The following CEMIP variants were observed in gnomAD, a reference collection of about 807,000 sequenced individuals.
CEMIP encodes the protein cell migration-inducing and hyaluronan-binding protein.
A neutral mutation model predicts 156.9 loss-of-function variants in CEMIP; 105 were observed. That is an observed-to-expected ratio of 0.67 (90% CI 0.57 to 0.79). The LOEUF is 0.79. CEMIP is among the 30% of genes least tolerant of loss of function. CEMIP has a pLI of 0.00. For missense variants in CEMIP, 1,457 were observed against 1,769.4 expected, an observed-to-expected ratio of 0.82 and a Z score of 3.17; for synonymous variants, 676 against 668.4, an observed-to-expected ratio of 1.01 and a Z score of -0.17.
At chr15:80,834,262 G>A (rs1345473799) in intron 1 of CEMIP, among the ~76,000 whole-genome samples, 2 of 152,218 alleles carry the variant, frequency 1.3e-5, no homozygotes, top group African/African-American at 4.8e-5. Context: ...TCTGCAGCAT[G>A]CCTTTTCAGG....
At chr15:80,844,735 C>A (rs55966621) in intron 1 of CEMIP, among the ~76,000 whole-genome samples, 6,189 of 152,292 alleles carry the variant, frequency 0.041, 190 homozygotes, top group Non-Finnish European at 0.064. Flanking sequence ...AATGAGGCAG[C>A]CATGCCCAGA....
At chr15:80,839,179 G>A (rs533672446) in intron 1 of CEMIP, among the ~76,000 whole-genome samples, 129 of 152,092 alleles carry the variant, frequency 8.5e-4, no homozygotes, top group Non-Finnish European at 1.5e-3. Flanking sequence ...CCTGCCCAGC[G>A]GCCTGAAAGC....
At chr15:80,801,480 T>A (rs530625281) in intron 1 of CEMIP, among the ~76,000 whole-genome samples, 5 of 152,342 alleles carry the variant, frequency 3.3e-5, no homozygotes, top group African/African-American at 1.2e-4. Context: ...AAGGAAAGCA[T>A]GCATGGCCTC....
intron 1 of CEMIP, among the ~76,000 whole-genome samples, chr15:80,865,629 T>A (rs1369018343): frequency 6.6e-6 from 1 of 151,498 alleles, no homozygotes; most frequent in Non-Finnish European, 1.5e-5. Flanking sequence ...ATGGTGGATA[T>A]CATGAAAATT....
At chr15:80,781,273 G>C (rs140280091) in intron 1 of CEMIP, among the ~76,000 whole-genome samples, 2 of 152,198 alleles carry the variant, frequency 1.3e-5, no homozygotes, top group South Asian at 4.1e-4. Flanking sequence ...GAATGGAGAA[G>C]AAATCAAATA....
chr15:80,882,303 G>A (rs1898688722), intron 6 of CEMIP, among the ~76,000 whole-genome samples: 1 of 152,204 alleles, frequency 6.6e-6, no homozygotes, highest in Non-Finnish European at 1.5e-5. Context: ...TCAAAATTCT[G>A]TGAGGCAAGT....
At chr15:80,920,333 G>A (rs1476979049) in intron 15 of CEMIP, 34 bp downstream of exon 15, 2 of 1,584,094 alleles carry the variant, frequency 1.3e-6, no homozygotes, top group Non-Finnish European at 1.7e-6. Flanking sequence ...TGTGCTGGGG[G>A]GAAGGGGTGT....
chr15:80,856,954 C>A (rs575811985), intron 1 of CEMIP, among the ~76,000 whole-genome samples: 1 of 152,152 alleles, frequency 6.6e-6, no homozygotes, highest in Non-Finnish European at 1.5e-5. Flanking sequence ...CAGGCCTATG[C>A]GTTAGAACCC....
intron 14 of CEMIP, among the ~76,000 whole-genome samples, chr15:80,912,638 A>G (rs180873136): frequency 6.6e-6 from 1 of 152,302 alleles, no homozygotes; most frequent in East Asian, 1.9e-4. Context: ...AATGGAGCAC[A>G]TTCCAGTGCC....
chr15:80,833,662 CTTTT>C (rs1211563507), intron 1 of CEMIP, among the ~76,000 whole-genome samples: 3 of 142,390 alleles, frequency 2.1e-5, no homozygotes, highest in African/African-American at 7.7e-5. Context: ...GCAGTACTGT[CTTTT>C]TTTTTTCTTT....
chr15:80,808,422 A>T (rs1320322809), intron 1 of CEMIP, among the ~76,000 whole-genome samples: 1 of 152,206 alleles, frequency 6.6e-6, no homozygotes, highest in Non-Finnish European at 1.5e-5. Flanking sequence ...ACCACCCTCC[A>T]TCCTAACTTC....
chr15:80,918,135 C>T (rs896282614), intron 14 of CEMIP, among the ~76,000 whole-genome samples: 9 of 152,050 alleles, frequency 5.9e-5, no homozygotes, highest in African/African-American at 1.4e-4. Context: ...ATTAGTCATT[C>T]GTGGTGGTGC....
In CEMIP at chr15:80,936,890, G is replaced by T; in HGVS notation, c.3221+5G>T. ...CTGGCTCATCAACTTCAACAAGTGA[G>T]TGGGTGTCCAGCCAGGAGCAGTGAG... On this transcript the variant is annotated splice_donor_5th_base_variant and intron_variant, in intron 24 of 29. Coordinates refer to ENST00000394685, the MANE Select transcript of CEMIP (RefSeq NM_001293298.2). 5 of 1,613,778 alleles carry T rather than the reference G, an allele frequency of 3.1e-6. No homozygotes were observed. The highest frequency in any genetic ancestry group is 4.2e-6 in the Non-Finnish European group (5 of 1,179,816).
intron 25 of CEMIP, 156 bp downstream of exon 25, chr15:80,938,135 T>G (rs773867799): frequency 1.5e-6 from 1 of 648,156 alleles, no homozygotes; most frequent in African/African-American, 1.8e-5. Flanking sequence ...GTCCCATACA[T>G]TAACGACATT....
intron 1 of CEMIP, among the ~76,000 whole-genome samples, chr15:80,804,208 T>C (rs1338905922): frequency 1.3e-5 from 2 of 152,166 alleles, no homozygotes; most frequent in Admixed American, 6.5e-5. Context: ...AAGATGAGAT[T>C]TGGGTGGGGA....
chr15:80,791,110 A>T (rs1896070169), intron 1 of CEMIP, among the ~76,000 whole-genome samples: 1 of 123,204 alleles, frequency 8.1e-6, no homozygotes, highest in Admixed American at 7.4e-5. Context: ...GCAGAGGATT[A>T]AAAAAAAAAA....
chr15:80,933,638 T>C (rs1199537705), intron 23 of CEMIP, among the ~76,000 whole-genome samples, 178 bp downstream of exon 23: 1 of 152,234 alleles, frequency 6.6e-6, no homozygotes, highest in Non-Finnish European at 1.5e-5. Flanking sequence ...TTTACAAAGT[T>C]AAAGTCAAAA....
chr15:80,823,087 G>A (rs748766841), intron 1 of CEMIP, among the ~76,000 whole-genome samples: 2 of 151,726 alleles, frequency 1.3e-5, no homozygotes, highest in African/African-American at 2.4e-5. Context: ...ACAACAACCC[G>A]CAATCCTTTC....
intron 3 of CEMIP, among the ~76,000 whole-genome samples, chr15:80,876,373 G>A (rs571303724): frequency 3.9e-5 from 6 of 152,306 alleles, no homozygotes; most frequent in Non-Finnish European, 7.3e-5. Flanking sequence ...CACCACTGGC[G>A]ACTCTGCTCT....
Sources: gnomAD v4.1 joint callset for allele counts (sites outside exome capture counted in the v4.1 genomes callset) on GRCh38, gnomAD v4.1.1 for gene constraint, MANE v1.5 for transcripts, NCBI Gene and HGNC (gene_info 2026-07-23, HGNC 2026-07-21) for gene names.